The following STK32C variants were observed in gnomAD, a reference collection of about 807,000 sequenced individuals.
STK32C encodes serine/threonine kinase 32C.
STK32C carries 31 observed loss-of-function variants against 56.5 expected under a neutral mutation model. The observed-to-expected ratio is 0.55, with a 90% CI of 0.41 to 0.74. STK32C has a LOEUF of 0.74. Among genes scored for constraint, STK32C ranks in the 30% least tolerant of loss-of-function variants. The probability of loss-of-function intolerance (pLI) is 0.00; values close to 1 mark genes in which losing one functional copy is unlikely to be tolerated. For synonymous variants in STK32C, 309 were observed against 289.4 expected, an observed-to-expected ratio of 1.07 and a Z score of -0.69; for missense variants, 544 against 676.9, an observed-to-expected ratio of 0.80 and a Z score of 2.18.
intron 1 of STK32C, among the ~76,000 whole-genome samples, chr10:132,277,321 G>A (rs2065023132): frequency 6.6e-6 from 1 of 152,208 alleles, no homozygotes; most frequent in Non-Finnish European, 1.5e-5. Context: ...GCACAGAGAC[G>A]GCCACAAAAC....
intron 1 of STK32C, among the ~76,000 whole-genome samples, chr10:132,264,752 C>G (rs1163209611): frequency 1.3e-5 from 2 of 152,134 alleles, no homozygotes; most frequent in Non-Finnish European, 2.9e-5. Context: ...GAGGTGGGAC[C>G]TAGCAGACAG....
intron 1 of STK32C, among the ~76,000 whole-genome samples, chr10:132,278,578 G>A (rs969555335): frequency 2.2e-4 from 33 of 151,672 alleles, no homozygotes; most frequent in South Asian, 4.2e-4. Flanking sequence ...TGGCTAACAC[G>A]GTGAAACCCC....
intron 2 of STK32C, among the ~76,000 whole-genome samples, chr10:132,235,937 G>A (rs113082693): frequency 7.2e-5 from 11 of 152,298 alleles, no homozygotes; most frequent in African/African-American, 2.2e-4. Context: ...TGGATAAAAT[G>A]ACACACTCTC....
chr10:132,275,466 G>A (rs1407202362), intron 1 of STK32C, among the ~76,000 whole-genome samples: 1 of 152,218 alleles, frequency 6.6e-6, no homozygotes, highest in African/African-American at 2.4e-5. Context: ...ATGAGAATCA[G>A]GTCCCTTTCC....
chr10:132,283,577 G>A (rs1371990171), intron 1 of STK32C, among the ~76,000 whole-genome samples: 1 of 152,230 alleles, frequency 6.6e-6, no homozygotes, highest in Non-Finnish European at 1.5e-5. Context: ...CAGAAGGCCA[G>A]TGAAGGGGGT....
At chr10:132,265,514 G>A (rs1284202156) in intron 1 of STK32C, among the ~76,000 whole-genome samples, 1 of 152,184 alleles carries the variant, frequency 6.6e-6, no homozygotes, top group South Asian at 2.1e-4. Context: ...TGGGTGTGAG[G>A]AGAGGACACG....
At chr10:132,258,221 T>C (rs1207907108) in intron 1 of STK32C, among the ~76,000 whole-genome samples, 10 of 152,340 alleles carry the variant, frequency 6.6e-5, no homozygotes, top group African/African-American at 2.2e-4. Flanking sequence ...AGGGCCCAGC[T>C]GCCAAGGCTG....
chr10:132,318,390 C>T (rs2066347273), intron 1 of STK32C, among the ~76,000 whole-genome samples: 1 of 151,950 alleles, frequency 6.6e-6, no homozygotes, highest in African/African-American at 2.4e-5. Context: ...CCGAGGCGGG[C>T]AGATCACTTG....
intron 10 of STK32C, among the ~76,000 whole-genome samples, chr10:132,215,416 G>A (rs1184457439): frequency 6.6e-6 from 1 of 152,122 alleles, no homozygotes; most frequent in Non-Finnish European, 1.5e-5. Flanking sequence ...CCCAGTGGGA[G>A]GTGATTGAAT....
intron 2 of STK32C, among the ~76,000 whole-genome samples, chr10:132,244,727 A>T (rs1490901337): frequency 6.6e-6 from 1 of 152,172 alleles, no homozygotes; most frequent in East Asian, 1.9e-4. Context: ...AGAGGGGAGC[A>T]GTCCCCCAAA....
intron 1 of STK32C, among the ~76,000 whole-genome samples, chr10:132,268,892 G>A (rs542352423): frequency 4.0e-4 from 47 of 118,140 alleles, no homozygotes; most frequent in East Asian, 5.6e-4. Context: ...TATGTGTGTC[G>A]GTGTGTGTGC....
chr10:132,303,153 G>A (rs997519256), intron 1 of STK32C, among the ~76,000 whole-genome samples: 12 of 152,238 alleles, frequency 7.9e-5, no homozygotes, highest in African/African-American at 2.9e-4. Flanking sequence ...TCTGCGGTGA[G>A]GGGCTGCGTG....
intron 1 of STK32C, among the ~76,000 whole-genome samples, chr10:132,297,921 C>CTTTCT (rs2065803452): frequency 6.6e-6 from 1 of 152,256 alleles, no homozygotes; most frequent in South Asian, 2.1e-4. Flanking sequence ...CCTCCAAGCT[C>CTTTCT]TTTCAGTTTC....
chr10:132,222,116 A>AACCAACACCAGCACACCTGGGCAAG, intron 10 of STK32C, among the ~76,000 whole-genome samples: 1 of 147,048 alleles, frequency 6.8e-6, no homozygotes, highest in Non-Finnish European at 1.5e-5. Flanking sequence ...CCACACACAC[A>AACCAACACCAGCACACCTGGGCAAG]CCTGATGCTG....
chr10:132,230,522 A>G (rs1263702634), intron 2 of STK32C, among the ~76,000 whole-genome samples: 1 of 152,232 alleles, frequency 6.6e-6, no homozygotes, highest in Non-Finnish European at 1.5e-5. Flanking sequence ...AGGTCTGGAA[A>G]CTGCTCCAGA....
At chr10:132,287,817 A>G (rs1022976651) in intron 1 of STK32C, among the ~76,000 whole-genome samples, 13 of 152,104 alleles carry the variant, frequency 8.5e-5, no homozygotes, top group African/African-American at 2.9e-4. Flanking sequence ...GTGCAATCCC[A>G]ATGAGTCTCT....
chr10:132,265,691 A>G (rs1177236662), intron 1 of STK32C, among the ~76,000 whole-genome samples: 1 of 152,254 alleles, frequency 6.6e-6, no homozygotes, highest in East Asian at 1.9e-4. Flanking sequence ...CAAGCAGCAC[A>G]TTAAAGATGG....
At chr10:132,332,055 C>A (rs929159458), upstream of STK32C, 1 of 325,922 alleles carries the variant, frequency 3.1e-6, no homozygotes, top group Non-Finnish European at 5.6e-6. Flanking sequence ...CACAAACCCC[C>A]ACAACACGCA....
At chr10:132,232,776 G>A (rs1037144281) in intron 2 of STK32C, among the ~76,000 whole-genome samples, 1 of 150,822 alleles carries the variant, frequency 6.6e-6, no homozygotes, top group African/African-American at 2.5e-5. Context: ...CGCCACTGAC[G>A]GGGAGGCCAC....
Sources: allele counts gnomAD v4.1 joint callset (sites outside exome capture counted in the v4.1 genomes callset), GRCh38; gene constraint gnomAD v4.1.1; transcripts MANE v1.5; gene names NCBI Gene and HGNC (gene_info 2026-07-23, HGNC 2026-07-21).